The following RNF152 variants were observed in gnomAD, a reference collection of about 807,000 sequenced individuals.
The protein encoded by RNF152 is ring finger protein 152.
Under a neutral mutation model 12.7 loss-of-function variants are expected in RNF152, and 11 were observed. The observed-to-expected ratio is 0.86, with a 90% confidence interval of 0.54 to 1.43. RNF152 has a LOEUF of 1.43. Among genes scored for constraint, RNF152 ranks in the 40% most tolerant of loss-of-function variants. The probability of loss-of-function intolerance (pLI) is 0.00; values close to 1 mark genes in which losing one functional copy is unlikely to be tolerated. For missense variants in RNF152, 255 were observed against 274.8 expected, an observed-to-expected ratio of 0.93 and a Z score of 0.51; for synonymous variants, 113 against 120.3, an observed-to-expected ratio of 0.94 and a Z score of 0.40.
At chr18:61,862,446 G>T (rs1218393562) in intron 1 of RNF152, among the ~76,000 whole-genome samples, 4 of 152,212 alleles carry the variant, frequency 2.6e-5, no homozygotes, top group Non-Finnish European at 4.4e-5. Context: ...CTTTCAAAAA[G>T]GTGGGAGGGA....
chr18:61,821,126 G>C (rs1909384150), intron 1 of RNF152, among the ~76,000 whole-genome samples: 1 of 152,226 alleles, frequency 6.6e-6, no homozygotes, highest in Non-Finnish European at 1.5e-5. Context: ...CAGCTTGGGA[G>C]GAGGCATGCA....
At position 61,831,777 on chromosome 18, in the gene RNF152, AC is replaced by A. The variant is rs1268107030; in HGVS notation, c.-135-15180del. Among the ~76,000 whole-genome samples, 495 of 131,474 alleles carry A rather than the reference AC, an allele frequency of 3.8e-3. 7 individuals carry two copies. Among genetic ancestry groups the A allele is most frequent in the African/African-American group, 0.012 (460 of 38,826 alleles). 86.3% of individuals were successfully genotyped at this position (131,474 alleles called of 152,430 possible). A position where few individuals can be genotyped will look rare whatever the true frequency, so the allele number is the denominator to read the frequency against. On this transcript the variant is annotated intron_variant, in intron 1 of 1. Coordinates refer to ENST00000312828, the MANE Select transcript of RNF152 (RefSeq NM_173557.3). ...TAATTAAAAATTTTACATGTTAATT[AC>A]TTCTATTTTAAAAAGTGTCCTGTCA... is the stretch of plus-strand genomic sequence containing the variant.
chr18:61,853,056 T>A (rs1335863565), intron 1 of RNF152, among the ~76,000 whole-genome samples: 1 of 152,218 alleles, frequency 6.6e-6, no homozygotes, highest in Non-Finnish European at 1.5e-5. Flanking sequence ...TGAAATTGTA[T>A]AAATATGTAA....
At chr18:61,831,010 T>TC (rs1909915330) in intron 1 of RNF152, among the ~76,000 whole-genome samples, 1 of 152,240 alleles carries the variant, frequency 6.6e-6, no homozygotes, top group Non-Finnish European at 1.5e-5. Context: ...TTTCACCAAG[T>TC]CTATTATTAG....
At position 61,818,989 on chromosome 18, in the gene RNF152, C is replaced by A. The variant is rs9966870; in HGVS notation, c.-135-2391G>T. Among the ~76,000 whole-genome samples, 3 of 151,992 alleles carry A rather than the reference C, an allele frequency of 2.0e-5. No homozygotes were observed. The South Asian group carries it at 6.2e-4, about 32-fold the overall frequency. On this transcript the variant is annotated intron_variant, in intron 1 of 1. Transcript: ENST00000312828. ...GAATTTAGTGAAAAATCTGGATTAT[C>A]GAATTAGACACAAAAAATCAGGGGA... is the stretch of plus-strand genomic sequence containing the variant.
chr18:61,889,321 G>C (rs1332057260), intron 1 of RNF152, among the ~76,000 whole-genome samples: 3 of 152,108 alleles, frequency 2.0e-5, no homozygotes, highest in African/African-American at 7.2e-5. Flanking sequence ...TGAACCAAAA[G>C]CAATATTATT....
At chr18:61,821,176 C>T (rs1051709820) in intron 1 of RNF152, among the ~76,000 whole-genome samples, 1 of 152,232 alleles carries the variant, frequency 6.6e-6, no homozygotes, top group African/African-American at 2.4e-5. Flanking sequence ...TGCGTACCAT[C>T]ATTGGTCAAC....
chr18:61,877,966 C>T (rs1253672281), intron 1 of RNF152, among the ~76,000 whole-genome samples: 1 of 152,194 alleles, frequency 6.6e-6, no homozygotes, highest in Non-Finnish European at 1.5e-5. Context: ...GGAGCATCTG[C>T]TCCACAAGGT....
intron 1 of RNF152, among the ~76,000 whole-genome samples, chr18:61,859,713 T>C (rs998856912): frequency 1.3e-5 from 2 of 152,120 alleles, no homozygotes; most frequent in African/African-American, 4.8e-5. Context: ...ATCCCATCTC[T>C]ACTAAAAGTA....
chr18:61,858,813 T>C (rs1226870848), intron 1 of RNF152, among the ~76,000 whole-genome samples: 2 of 152,152 alleles, frequency 1.3e-5, no homozygotes, highest in African/African-American at 4.8e-5. Context: ...GCAGACATCA[T>C]GATGCAGCAA....
At chr18:61,822,664 C>T (rs1568263910) in intron 1 of RNF152, among the ~76,000 whole-genome samples, 1 of 152,146 alleles carries the variant, frequency 6.6e-6, no homozygotes, top group Admixed American at 6.5e-5. Flanking sequence ...AATCTTCATA[C>T]ATTCTGTGAC....
chr18:61,842,782 AG>A (rs1198771881), intron 1 of RNF152, among the ~76,000 whole-genome samples: 2 of 152,248 alleles, frequency 1.3e-5, no homozygotes, highest in Admixed American at 6.5e-5. Flanking sequence ...CAGTAGGCAA[AG>A]GGAGAGCTGG....
chr18:61,884,284 G>A (rs1912595895), intron 1 of RNF152, among the ~76,000 whole-genome samples: 1 of 152,078 alleles, frequency 6.6e-6, no homozygotes, highest in African/African-American at 2.4e-5. Flanking sequence ...TGGCAGACGT[G>A]AAATTTAAAC....
intron 1 of RNF152, among the ~76,000 whole-genome samples, chr18:61,856,878 C>T (rs553670945): frequency 2.6e-5 from 4 of 152,278 alleles, no homozygotes; most frequent in Non-Finnish European, 5.9e-5. Context: ...TAAAGCTCAT[C>T]TTCAAAAAGC....
rs745374412 is a variant in RNF152, at chr18:61,811,247, A to G, written c.*4605T>C. 2.6e-4 allele frequency: 39 copies of G among 152,214 alleles called. No individual in the cohort carries two copies. Among genetic ancestry groups the G allele is most frequent in the Non-Finnish European group, 4.3e-4 (29 of 68,046 alleles). The allele number at this position is 152,214 out of a possible 1,614,324, so 9.4% of individuals were successfully genotyped here. ...TAAGTTTTCAAATAAAGGGATGGGA[A>G]CTCTTAAAATCAAAATCTAGACTGG... On this transcript the variant is annotated 3_prime_UTR_variant, in exon 2 of 2. Transcript: ENST00000312828.
At position 61,811,679 on chromosome 18, in the gene RNF152, T is replaced by C. The variant is rs576259489; in HGVS notation, c.*4173A>G. The C allele has an allele frequency of 6.6e-6, 1 of 152,318 alleles. No individual in the cohort carries two copies. The highest frequency in any genetic ancestry group is 2.4e-5 in the African/African-American group (1 of 41,576). The allele number at this position is 152,318 out of a possible 1,614,324, so 9.4% of individuals were successfully genotyped here. A position where few individuals can be genotyped will look rare whatever the true frequency, so the allele number is the denominator to read the frequency against. The stretch of plus-strand genomic sequence containing the variant: ...CATGCTTGCTCTTATATTTGCACCT[T>C]ACTAATACAGCAATGAAGTTTGGAT... On this transcript the variant is annotated 3_prime_UTR_variant, in exon 2 of 2. Coordinates refer to ENST00000312828, the MANE Select transcript of RNF152 (RefSeq NM_173557.3).
intron 1 of RNF152, among the ~76,000 whole-genome samples, chr18:61,836,546 T>A (rs1910194406): frequency 6.6e-6 from 1 of 152,166 alleles, no homozygotes; most frequent in South Asian, 2.1e-4. Context: ...AGCGGCTCTC[T>A]GCAAACCAGA....
rs545907202 is a variant in RNF152, at chr18:61,831,129, C to T, written c.-135-14531G>A. ...TATGTTTATAGAGATTAAACCTTAA[C>T]AGCACTCAAATTCTTCTCATCTGTG... On this transcript the variant is annotated intron_variant, in intron 1 of 1. Coordinates refer to ENST00000312828, the MANE Select transcript of RNF152 (RefSeq NM_173557.3). Among the ~76,000 whole-genome samples the T allele has an allele frequency of 3.9e-5, 6 of 152,290 alleles. No homozygotes were observed. In the South Asian group the frequency reaches 1.2e-3, roughly 32 times the overall value.
rs1267108289 is a variant in RNF152 at position 61,809,853 on chromosome 18, C to T, written c.*5999G>A. 8.4e-6 allele frequency: 1 copy of T among 119,224 alleles called. No individual in the cohort carries two copies. Among genetic ancestry groups the T allele is most frequent in the Non-Finnish European group, 1.7e-5 (1 of 57,778 alleles). The allele number at this position is 119,224 out of a possible 1,614,324, so 7.4% of individuals were successfully genotyped here. Reference sequence around the variant, plus strand: ...TAGTGGGATACCCCAGGCAGTGAATCCTGAAAAAAAAAAAAAAAAAAAAAG... The same window carrying T: ...TAGTGGGATACCCCAGGCAGTGAATTCTGAAAAAAAAAAAAAAAAAAAAAG... On this transcript the variant is annotated 3_prime_UTR_variant, in exon 2 of 2. Coordinates refer to ENST00000312828, the MANE Select transcript of RNF152 (RefSeq NM_173557.3).
Sources: allele counts gnomAD v4.1 joint callset (sites outside exome capture counted in the v4.1 genomes callset), GRCh38; gene constraint gnomAD v4.1.1; transcripts MANE v1.5; gene names NCBI Gene and HGNC (gene_info 2026-07-23, HGNC 2026-07-21).